The following CHD1 variants were observed in gnomAD, a reference collection of about 807,000 sequenced individuals.
The protein encoded by CHD1 is ATP-dependent chromatin remodeler CHD1.
In CHD1, 36 loss-of-function variants were observed where a neutral mutation model predicts 224.2. The ratio of observed to expected loss-of-function variants is 0.16; its 90% confidence interval spans 0.12 to 0.21. The LOEUF (loss-of-function observed/expected upper bound fraction) is 0.21. Among genes scored for constraint, CHD1 ranks in the 10% least tolerant of loss-of-function variants. CHD1 has a pLI of 1.00. For synonymous variants in CHD1, 668 were observed against 658.3 expected, an observed-to-expected ratio of 1.01 and a Z score of -0.23; for missense variants, 1,378 against 1,994.8, an observed-to-expected ratio of 0.69 and a Z score of 5.89.
intron 32 of CHD1, among the ~76,000 whole-genome samples, chr5:98,860,932 G>A (rs1015126767): frequency 6.6e-6 from 1 of 152,054 alleles, no homozygotes; most frequent in Admixed American, 6.6e-5. Flanking sequence ...TACATTCTAC[G>A]ATTAACTTAT....
chr5:98,893,836 T>C (rs192326192), intron 13 of CHD1, among the ~76,000 whole-genome samples: 137 of 152,310 alleles, frequency 9.0e-4, no homozygotes, highest in African/African-American at 3.2e-3. Flanking sequence ...AAAGTTTTTA[T>C]TAGCTTATAA....
Position 98,911,145 on chromosome 5 carries a change from AAATATATAT to A in CHD1, c.54-6056_54-6048del, listed in dbSNP as rs1166567637. 3.1e-3 allele frequency among the ~76,000 whole-genome samples: 293 copies of A among 95,412 alleles called. 2 individuals are homozygous for A. The highest frequency in any genetic ancestry group is 0.01 in the African/African-American group (219 of 21,520). The allele number at this position is 95,412 out of a possible 152,430, so 62.6% of individuals were successfully genotyped here. A position where few individuals can be genotyped will look rare whatever the true frequency, so the allele number is the denominator to read the frequency against. Reference sequence around the variant, plus strand: ...GTGCTAAAATGAAAAAAAAAAAAAAAAATATATATATATATATATATATATATATATAGA... The same window carrying A: ...GTGCTAAAATGAAAAAAAAAAAAAAAATATATATATATATATATATATAGA... On this transcript the variant is annotated intron_variant, in intron 2 of 35. Coordinates refer to ENST00000614616, the MANE Select transcript of CHD1 (RefSeq NM_001270.4).
intron 22 of CHD1, 129 bp downstream of exon 22, chr5:98,880,947 G>T: frequency 1.5e-6 from 1 of 673,478 alleles, no homozygotes. Flanking sequence ...CTGAACAAGA[G>T]AGAGTAGTTT....
chr5:98,917,743 CAT>C (rs1243820025), intron 2 of CHD1, among the ~76,000 whole-genome samples: 2 of 152,188 alleles, frequency 1.3e-5, no homozygotes, highest in Non-Finnish European at 2.9e-5. Flanking sequence ...TTTGTCTCTA[CAT>C]ATTTTAATCT....
Position 98,882,119 on chromosome 5 carries a change from T to C in CHD1, c.2723A>G (p.Asn908Ser). ...TCCCTTTGTAACTAGACGATAAATA[T>C]TCACCTGTAAAAATACACATGAGGA... Reference protein sequence around the residue: ...AHRIGQKKQVNIYRLVTKGSV... With the variant: ...AHRIGQKKQVSIYRLVTKGSV... The change falls in exon 20 of 36, where the codon AAT (asparagine) becomes AGT (serine). Residue 908 changes from asparagine to serine, a missense_variant. Asn to Ser is a conservative substitution (Grantham distance 46). Transcript: ENST00000614616. 1 of 1,612,200 alleles carries C rather than the reference T, an allele frequency of 6.2e-7. No homozygotes were observed. Among genetic ancestry groups the C allele is most frequent in the Non-Finnish European group, 8.5e-7 (1 of 1,179,516 alleles).
At chr5:98,878,483 C>T (rs190023846) in intron 23 of CHD1, among the ~76,000 whole-genome samples, 1 of 152,306 alleles carries the variant, frequency 6.6e-6, no homozygotes, top group East Asian at 1.9e-4. Context: ...GACAAAAAAT[C>T]TTATATCCTA....
intron 2 of CHD1, among the ~76,000 whole-genome samples, chr5:98,922,394 G>C (rs1321973974): frequency 6.6e-6 from 1 of 152,138 alleles, no homozygotes; most frequent in Non-Finnish European, 1.5e-5. Context: ...CAATAGCATA[G>C]CAAAAGAGAC....
chr5:98,899,765 A>G (rs1287460245), intron 7 of CHD1, 60 bp from the exon 8 acceptor site: 7 of 1,240,078 alleles, frequency 5.6e-6, no homozygotes, highest in Non-Finnish European at 8.0e-6. Context: ...ATTATATTTC[A>G]ACTCAAAATT....
intron 2 of CHD1, among the ~76,000 whole-genome samples, chr5:98,914,784 G>A (rs1038435401): frequency 1.3e-5 from 2 of 152,146 alleles, no homozygotes; most frequent in African/African-American, 2.4e-5. Flanking sequence ...GCCATTCCCT[G>A]GTTTCCCCAG....
chr5:98,892,920 T>C (rs897595325), intron 14 of CHD1, among the ~76,000 whole-genome samples: 1 of 152,198 alleles, frequency 6.6e-6, no homozygotes, highest in South Asian at 2.1e-4. Context: ...TAAGTTATGA[T>C]TCTTGAATCA....
At chr5:98,900,281 CAAAAA>C (rs77593613) in intron 7 of CHD1, among the ~76,000 whole-genome samples, 1 of 92,578 alleles carries the variant, frequency 1.1e-5, no homozygotes. Context: ...GATTCTGTCA[CAAAAA>C]AAAAAAAAAA....
intron 31 of CHD1, among the ~76,000 whole-genome samples, chr5:98,867,854 G>A (rs1303333946): frequency 6.9e-6 from 1 of 145,578 alleles, no homozygotes; most frequent in African/African-American, 2.5e-5. Context: ...CCGGGCTGGA[G>A]TGCAATGGTG....
chr5:98,912,339 T>C (rs1041775900), intron 2 of CHD1, among the ~76,000 whole-genome samples: 1 of 152,098 alleles, frequency 6.6e-6, no homozygotes, highest in Non-Finnish European at 1.5e-5. Flanking sequence ...CAAAACTTTT[T>C]AAAAAAATCC....
At chr5:98,920,847 T>A (rs943688305) in intron 2 of CHD1, among the ~76,000 whole-genome samples, 3 of 148,510 alleles carry the variant, frequency 2.0e-5, no homozygotes, top group African/African-American at 4.9e-5. Context: ...TTCTACAGGA[T>A]ACCTGGCCAG....
chr5:98,869,081 A>C, intron 30 of CHD1: 1 of 915,926 alleles, frequency 1.1e-6, no homozygotes, highest in Non-Finnish European at 1.3e-6. Context: ...TTTTTCTTTA[A>C]AATCTTTTTC....
chr5:98,878,939 C>T (rs1749967451), intron 23 of CHD1, among the ~76,000 whole-genome samples: 1 of 152,160 alleles, frequency 6.6e-6, no homozygotes, highest in Non-Finnish European at 1.5e-5. Context: ...CCTTAAGAAA[C>T]TGAATAAAAG....
rs1044946186 is a variant in CHD1 at position 98,858,497 on chromosome 5, C to T, written c.4577-107G>A. 26 of 817,680 alleles carry T rather than the reference C, an allele frequency of 3.2e-5. 1 individual carries two copies. In the South Asian group the frequency reaches 3.8e-4, roughly 12 times the overall value. 50.7% of individuals were successfully genotyped at this position (817,680 alleles called of 1,614,324 possible). A position where few individuals can be genotyped will look rare whatever the true frequency, so the allele number is the denominator to read the frequency against. On this transcript the variant is annotated intron_variant, in intron 34 of 35. Coordinates refer to ENST00000614616, the MANE Select transcript of CHD1 (RefSeq NM_001270.4). Reference sequence around the variant, plus strand: ...GTTTCAACCCTTGCCAAAACAAAATCGGTTCCCAAATACAAGCAGTTAAAG... The same window carrying T: ...GTTTCAACCCTTGCCAAAACAAAATTGGTTCCCAAATACAAGCAGTTAAAG...
chr5:98,895,273 T>C (rs1751272409), intron 12 of CHD1, among the ~76,000 whole-genome samples: 2 of 152,250 alleles, frequency 1.3e-5, no homozygotes, highest in East Asian at 1.9e-4. Context: ...AAGTGATTAA[T>C]TCATTTAATA....
chr5:98,888,141 G>T lies in CHD1; in HGVS notation c.2443C>A (p.Arg815=). The T allele has an allele frequency of 1.2e-6, 2 of 1,608,056 alleles. No homozygotes were observed. The highest frequency in any genetic ancestry group is 8.5e-7 in the Non-Finnish European group (1 of 1,175,532). The change falls in exon 17 of 36, where the codon CGG becomes AGG. Residue 815 remains arginine (R), a synonymous_variant. Coordinates refer to ENST00000614616, the MANE Select transcript of CHD1 (RefSeq NM_001270.4). ...NRVLIFSQMV[R]MLDILAEYLK... ...TATTCTGCAAGTATATCTAACATCC[G>T]CACCATTTGTGAAAAAATAAGAACT...
Sources: allele counts gnomAD v4.1 joint callset (sites outside exome capture counted in the v4.1 genomes callset), GRCh38; gene constraint gnomAD v4.1.1; transcripts MANE v1.5; gene names NCBI Gene and HGNC (gene_info 2026-07-23, HGNC 2026-07-21).